CAV3: variants seen among roughly 807,000 people sequenced by gnomAD.
The protein encoded by CAV3 is caveolin 3.
Under a neutral mutation model 13.4 loss-of-function variants are expected in CAV3, and 10 were observed. The observed-to-expected ratio is 0.75, with a 90% CI of 0.46 to 1.27. The LOEUF is 1.27. Among genes scored for constraint, CAV3 ranks in the 50% most tolerant of loss-of-function variants. The pLI is 0.00. For synonymous variants in CAV3, 90 were observed against 79.0 expected (o/e 1.14, Z -0.74); for missense variants, 162 against 194.0 (o/e 0.83, Z 0.98).
At chr3:8,742,473 G>A (rs1400869201) in intron 1 of CAV3, 2 of 456,498 alleles carry the variant, frequency 4.4e-6, no homozygotes, top group Non-Finnish European at 4.4e-6. Context: ...GTAAGGAAAG[G>A]AGGACTCCAT....
intron 1 of CAV3, chr3:8,742,580 T>C: frequency 2.2e-6 from 1 of 451,678 alleles, no homozygotes; most frequent in Non-Finnish European, 4.4e-6. Context: ...CTCAGATGTA[T>C]TTTCGAGGAA....
intron 1 of CAV3, among the ~76,000 whole-genome samples, chr3:8,743,800 C>A (rs1708054522): frequency 6.6e-6 from 1 of 152,176 alleles, no homozygotes; most frequent in Non-Finnish European, 1.5e-5. Flanking sequence ...CTTCTTTCCC[C>A]AGAAAATATT....
rs915901862 is a variant in CAV3 at position 8,745,112 on chromosome 3, G to C, written c.115-414G>C. Reference sequence around the variant, plus strand: ...GGCAGATCCCTCGTGGCTTAGTGCTGTCCTCACAATAGTGGGAGAGTTCTC... The same window carrying C: ...GGCAGATCCCTCGTGGCTTAGTGCTCTCCTCACAATAGTGGGAGAGTTCTC... On this transcript the variant is annotated intron_variant, in intron 1 of 1. Transcript: ENST00000343849. The surrounding 1 kb of genome is among the most constrained non-coding windows in gnomAD (Gnocchi z 4.8). 1 of 203,244 alleles carries C rather than the reference G, an allele frequency of 4.9e-6. No individual in the cohort carries two copies. The highest frequency in any genetic ancestry group is 1.0e-5 in the Non-Finnish European group (1 of 97,914). The allele number at this position is 203,244 out of a possible 1,614,324, so 12.6% of individuals were successfully genotyped here. A position where few individuals can be genotyped will look rare whatever the true frequency, so the allele number is the denominator to read the frequency against.
At chr3:8,741,086 A>G (rs999622113) in intron 1 of CAV3, among the ~76,000 whole-genome samples, 3 of 152,208 alleles carry the variant, frequency 2.0e-5, no homozygotes, top group African/African-American at 7.2e-5. Flanking sequence ...AAAGATGCAG[A>G]GCTTTGTCAT....
chr3:8,745,447 A>T lies in CAV3; in HGVS notation c.115-79A>T. ...TTAACCTGACCTCTAGGGGATTCTG[A>T]CACATGCACGCACACACCCAAAAGC... On this transcript the variant is annotated intron_variant, in intron 1 of 1. Coordinates refer to ENST00000343849, the MANE Select transcript of CAV3 (RefSeq NM_033337.3). The surrounding 1 kb of genome is among the most constrained non-coding windows in gnomAD (Gnocchi z 4.8). 1 of 1,102,434 alleles carries T rather than the reference A, an allele frequency of 9.1e-7. No homozygotes were observed. Among genetic ancestry groups the T allele is most frequent in the Non-Finnish European group, 1.4e-6 (1 of 723,278 alleles). The allele number at this position is 1,102,434 out of a possible 1,614,324, so 68.3% of individuals were successfully genotyped here. A position where few individuals can be genotyped will look rare whatever the true frequency, so the allele number is the denominator to read the frequency against.
intron 1 of CAV3, chr3:8,742,559 C>G (rs919229550): frequency 4.4e-6 from 2 of 451,632 alleles, no homozygotes; most frequent in African/African-American, 4.0e-5. Context: ...TCCGGGATGT[C>G]AAAAGAATTT....
Position 8,733,830 on chromosome 3 carries a change from C to T in CAV3, c.-47C>T, listed in dbSNP as rs374841789. On this transcript the variant is annotated 5_prime_UTR_variant, in exon 1 of 2. Transcript: ENST00000343849. Reference sequence around the variant, plus strand: ...TGCCCCAAGTATTTTCAGCCCCAGCCGGCCACACAGCTCGGATCTCCTCCT... The same window carrying T: ...TGCCCCAAGTATTTTCAGCCCCAGCTGGCCACACAGCTCGGATCTCCTCCT... The T allele has an allele frequency of 2.3e-5, 27 of 1,192,700 alleles. No homozygotes were observed. The highest frequency in any genetic ancestry group is 1.2e-4 in the African/African-American group (8 of 67,028). 73.9% of individuals were successfully genotyped at this position (1,192,700 alleles called of 1,614,324 possible).
At position 8,733,875 on chromosome 3, in the gene CAV3, C is replaced by A. The variant is rs772475990; in HGVS notation, c.-2C>A. Reference sequence around the variant, plus strand: ...CCTCCTGTGGATCCCCCCAGCTCTGCGATGATGGCAGAAGAGCACACAGAT... The same window carrying A: ...CCTCCTGTGGATCCCCCCAGCTCTGAGATGATGGCAGAAGAGCACACAGAT... On this transcript the variant is annotated 5_prime_UTR_variant, in exon 1 of 2. Coordinates refer to ENST00000343849, the MANE Select transcript of CAV3 (RefSeq NM_033337.3). 3 of 1,592,588 alleles carry A rather than the reference C, an allele frequency of 1.9e-6. No individual in the cohort carries two copies. The highest frequency in any genetic ancestry group is 1.7e-6 in the Non-Finnish European group (2 of 1,160,424).
chr3:8,739,690 A>G (rs996487530), intron 1 of CAV3, among the ~76,000 whole-genome samples: 1 of 152,010 alleles, frequency 6.6e-6, no homozygotes, highest in Non-Finnish European at 1.5e-5. Context: ...CATTCATCCT[A>G]TAGAAGACAC....
At chr3:8,738,676 CAA>C (rs996569692) in intron 1 of CAV3, among the ~76,000 whole-genome samples, 11 of 152,174 alleles carry the variant, frequency 7.2e-5, no homozygotes, top group Non-Finnish European at 1.5e-4. Flanking sequence ...AATGGAGGAA[CAA>C]AGCTTTCCAA....
intron 1 of CAV3, chr3:8,742,734 G>A (rs1708018117): frequency 3.3e-6 from 1 of 300,378 alleles, no homozygotes; most frequent in Admixed American, 4.5e-5. Flanking sequence ...ATGTGTGGGT[G>A]GGTGGATGGA....
chr3:8,739,443 G>A (rs574911078), intron 1 of CAV3, among the ~76,000 whole-genome samples: 1 of 143,556 alleles, frequency 7.0e-6, no homozygotes, highest in Non-Finnish European at 1.5e-5. Flanking sequence ...ATGAAAACCT[G>A]TCTCTACTAA....
intron 1 of CAV3, among the ~76,000 whole-genome samples, chr3:8,738,030 C>T (rs1173206566): frequency 2.8e-5 from 4 of 142,024 alleles, no homozygotes; most frequent in Non-Finnish European, 6.2e-5. Context: ...CTCTCTCTCT[C>T]CTCTGTCTTC....
At chr3:8,741,497 C>T (rs1243406871) in intron 1 of CAV3, among the ~76,000 whole-genome samples, 2 of 151,906 alleles carry the variant, frequency 1.3e-5, no homozygotes, top group Admixed American at 6.6e-5. Flanking sequence ...AAGCTAACTC[C>T]GTGTCATTAC....
At chr3:8,737,435 C>A (rs1273553188) in intron 1 of CAV3, among the ~76,000 whole-genome samples, 1 of 152,172 alleles carries the variant, frequency 6.6e-6, no homozygotes, top group Non-Finnish European at 1.5e-5. Context: ...GATAGGCATA[C>A]TACATCCATG....
Position 8,737,026 on chromosome 3 carries a change from G to T in CAV3, c.114+3036G>T, listed in dbSNP as rs189430194. Among the ~76,000 whole-genome samples, 11 of 152,304 alleles carry T rather than the reference G, an allele frequency of 7.2e-5. No homozygotes were observed. The East Asian group carries it at 2.1e-3, about 29-fold the overall frequency. Reference sequence around the variant, plus strand: ...AGAAGGAGAGAGGGGACTGTGGCTAGGAGGGATGAAGCCAGACTGTTCAGC... The same window carrying T: ...AGAAGGAGAGAGGGGACTGTGGCTATGAGGGATGAAGCCAGACTGTTCAGC... On this transcript the variant is annotated intron_variant, in intron 1 of 1. Transcript: ENST00000343849.
At chr3:8,738,897 T>C (rs1314237892) in intron 1 of CAV3, among the ~76,000 whole-genome samples, 1 of 152,164 alleles carries the variant, frequency 6.6e-6, no homozygotes, top group Non-Finnish European at 1.5e-5. Context: ...GTACAACAGA[T>C]AACACTTCGC....
intron 1 of CAV3, among the ~76,000 whole-genome samples, chr3:8,740,024 G>C (rs1707903675): frequency 1.3e-5 from 2 of 152,124 alleles, no homozygotes; most frequent in African/African-American, 4.8e-5. Context: ...TGCTGGGGTG[G>C]CTGGCCCTCT....
At chr3:8,744,164 T>C (rs1708066950) in intron 1 of CAV3, among the ~76,000 whole-genome samples, 1 of 152,108 alleles carries the variant, frequency 6.6e-6, no homozygotes, top group Non-Finnish European at 1.5e-5. Context: ...TTTCAGGCAT[T>C]AGCAAACAGC....
Sources: allele counts gnomAD v4.1 joint callset (sites outside exome capture counted in the v4.1 genomes callset), GRCh38; gene constraint gnomAD v4.1.1; non-coding constraint Gnocchi (gnomAD v3.1); transcripts MANE v1.5; gene names NCBI Gene and HGNC (gene_info 2026-07-23, HGNC 2026-07-21).